ZNF513: variants seen among roughly 807,000 people sequenced by gnomAD.
The protein encoded by ZNF513 is zinc finger protein 513.
A neutral mutation model predicts 39.7 loss-of-function variants in ZNF513; 16 were observed. That is an observed-to-expected ratio of 0.40 (90% CI 0.27 to 0.61). The LOEUF is 0.61. Ranked by LOEUF, ZNF513 falls within the 20% of genes least tolerant of loss-of-function variation. ZNF513 has a pLI of 0.39. For missense variants in ZNF513, 699 were observed against 743.6 expected, an observed-to-expected ratio of 0.94 and a Z score of 0.70; for synonymous variants, 348 against 296.5, an observed-to-expected ratio of 1.17 and a Z score of -1.79.
Position 27,379,068 on chromosome 2 carries a change from C to A in ZNF513, c.212-14G>T. On this transcript the variant is annotated splice_polypyrimidine_tract_variant and intron_variant, in intron 2 of 3. Transcript: ENST00000323703. ...CCAGAGAGTCTCCTGGTGAAATAGACATAAGAAGAGACATCAGCATAGGGT... is the reference window on the plus strand; with the variant it reads ...CCAGAGAGTCTCCTGGTGAAATAGAAATAAGAAGAGACATCAGCATAGGGT... 6.2e-7 allele frequency: 1 copy of A among 1,611,364 alleles called. No individual in the cohort carries two copies. Among genetic ancestry groups the A allele is most frequent in the South Asian group, 1.1e-5 (1 of 90,992 alleles).
At position 27,378,116 on chromosome 2, in the gene ZNF513, G is replaced by A. The variant is rs761367777; in HGVS notation, c.1055C>T (p.Pro352Leu). 1 of 1,613,690 alleles carries A rather than the reference G, an allele frequency of 6.2e-7. No homozygotes were observed. Among genetic ancestry groups the A allele is most frequent in the South Asian group, 1.1e-5 (1 of 91,050 alleles). The part of the protein sequence containing the change: ...GEAGGGASGG[P>L]QGPSDKGFAC... ...AAAGCCTTTGTCACTGGGGCCCTGG[G>A]GCCCCCCACTGGCACCCCCTCCAGC... The change falls in exon 4 of 4, where the codon CCC (proline) becomes CTC (leucine). Residue 352 changes from proline (P) to leucine (L), a missense_variant. Coordinates refer to ENST00000323703, the MANE Select transcript of ZNF513 (RefSeq NM_144631.6). This position sits in a 1 kb window ranked among gnomAD's most constrained non-coding sequence, Gnocchi z 8.0.
Position 27,378,227 on chromosome 2 carries a change from G to T in ZNF513, c.944C>A (p.Thr315Asn). 1.2e-6 allele frequency: 2 copies of T among 1,605,064 alleles called. No individual in the cohort carries two copies. The highest frequency in any genetic ancestry group is 4.5e-5 in the East Asian group (2 of 44,880). Residue 315 changes from threonine to asparagine, a missense_variant, in exon 4 of 4, where the codon ACC becomes AAC. Physicochemically the swap from Thr to Asn is moderately conservative, Grantham distance 65. Around this residue, in one of 3 missense-constraint regions of ZNF513, gnomAD observed 530 missense variants for 499.3 expected, o/e 1.06. Transcript: ENST00000323703. The surrounding 1 kb of genome is among the most constrained non-coding windows in gnomAD (Gnocchi z 8.0). ...EPLPELLFPW[T>N]CRGCGQELEE... Reference sequence around the variant, plus strand: ...CAGCTCTTGTCCACAGCCCCGGCAGGTCCAAGGGAATAGCAGCTCTGGCAG... The same window carrying T: ...CAGCTCTTGTCCACAGCCCCGGCAGTTCCAAGGGAATAGCAGCTCTGGCAG...
rs558608689 is a variant in ZNF513 at position 27,377,371 on chromosome 2, C to T, written c.*174G>A. 2.9e-4 allele frequency: 212 copies of T among 742,354 alleles called. No individual in the cohort carries two copies. The highest frequency in any genetic ancestry group is 4.7e-4 in the Non-Finnish European group (199 of 421,750). 46.0% of individuals were successfully genotyped at this position (742,354 alleles called of 1,614,324 possible). ...AATACAGGGCCCTTCTCACTGAGCTCGTGAAGTGCCTCAGTCAAGGCAAGG... is the reference window on the plus strand; with the variant it reads ...AATACAGGGCCCTTCTCACTGAGCTTGTGAAGTGCCTCAGTCAAGGCAAGG... On this transcript the variant is annotated 3_prime_UTR_variant, in exon 4 of 4. Coordinates refer to ENST00000323703, the MANE Select transcript of ZNF513 (RefSeq NM_144631.6). This position sits in a 1 kb window ranked among gnomAD's most constrained non-coding sequence, Gnocchi z 4.4.
intron 2 of ZNF513, among the ~76,000 whole-genome samples, chr2:27,379,391 G>C (rs1683515069): frequency 6.6e-6 from 1 of 152,152 alleles, no homozygotes; most frequent in Non-Finnish European, 1.5e-5. Context: ...AAATACGAAA[G>C]GGAGAGAGCC....
At chr2:27,380,361 G>C in intron 1 of ZNF513, 111 bp downstream of exon 1, 1 of 1,599,568 alleles carries the variant, frequency 6.3e-7, no homozygotes, top group South Asian at 1.1e-5. Context: ...TGGGAAGCTA[G>C]GAGTCTGGAT....
rs1463524052 is a variant in ZNF513 at position 27,378,395 on chromosome 2, A to G, written c.800-24T>C. The G allele has an allele frequency of 2.5e-6, 4 of 1,609,208 alleles. No homozygotes were observed. Among genetic ancestry groups the G allele is most frequent in the African/African-American group, 2.7e-5 (2 of 74,938 alleles). On this transcript the variant is annotated intron_variant, in intron 3 of 3. Transcript: ENST00000323703. This position sits in a 1 kb window ranked among gnomAD's most constrained non-coding sequence, Gnocchi z 8.0. Reference sequence around the variant, plus strand: ...ATCTGTGGGGACAAAGACCTGGGCTATGAATCCAATCCAAGCATTCCTAGG... The same window carrying G: ...ATCTGTGGGGACAAAGACCTGGGCTGTGAATCCAATCCAAGCATTCCTAGG...
In ZNF513 at chr2:27,380,623, G is replaced by T; in HGVS notation, c.-97C>A. 1 of 1,490,602 alleles carries T rather than the reference G, an allele frequency of 6.7e-7. No individual in the cohort carries two copies. Among genetic ancestry groups the T allele is most frequent in the Non-Finnish European group, 8.9e-7 (1 of 1,119,342 alleles). 92.3% of individuals were successfully genotyped at this position (1,490,602 alleles called of 1,614,324 possible). A position where few individuals can be genotyped will look rare whatever the true frequency, so the allele number is the denominator to read the frequency against. On this transcript the variant is annotated 5_prime_UTR_variant, in exon 1 of 4. Coordinates refer to ENST00000323703, the MANE Select transcript of ZNF513 (RefSeq NM_144631.6). ...CTGTCTGCCCTTCCTCTCAGGGCCC[G>T]CGGGCCGCCCCCATGCAGCGGCGCG...
Position 27,377,451 on chromosome 2 carries a change from G to A in ZNF513, c.*94C>T, listed in dbSNP as rs1683369043. On this transcript the variant is annotated 3_prime_UTR_variant, in exon 4 of 4. Transcript: ENST00000323703. This position sits in a 1 kb window ranked among gnomAD's most constrained non-coding sequence, Gnocchi z 4.4. ...ATGGGGTTGGGCTGGTCCTTATAGT[G>A]CCTACGTTAGTCTGTGTGGAGCCCC... 6 of 1,392,980 alleles carry A rather than the reference G, an allele frequency of 4.3e-6. No individual in the cohort carries two copies. The highest frequency in any genetic ancestry group is 1.4e-5 in the African/African-American group (1 of 70,826). The allele number at this position is 1,392,980 out of a possible 1,614,324, so 86.3% of individuals were successfully genotyped here.
Position 27,378,055 on chromosome 2 carries a change from G to C in ZNF513, c.1116C>G (p.Pro372=). The C allele has an allele frequency of 6.2e-7, 1 of 1,610,624 alleles. No homozygotes were observed. The highest frequency in any genetic ancestry group is 8.5e-7 in the Non-Finnish European group (1 of 1,177,462). The stretch of plus-strand genomic sequence containing the variant: ...TCTTCATGTGCCGGGCCAGGTGGTT[G>C]GGATAGTGAGTGGCAAAGGGGCAGA... The part of the protein sequence containing the change: ...CSLCPFATHY[P]NHLARHMKTH... The change falls in exon 4 of 4, where the codon CCC becomes CCG. Residue 372 remains proline, a synonymous_variant. Transcript: ENST00000323703. This position sits in a 1 kb window ranked among gnomAD's most constrained non-coding sequence, Gnocchi z 8.0.
chr2:27,380,050 T>TC, intron 2 of ZNF513, 43 bp downstream of exon 2: 5 of 1,612,612 alleles, frequency 3.1e-6, no homozygotes, highest in Non-Finnish European at 4.2e-6. Context: ...AGGGCTGGGG[T>TC]CTCCAGCGGC....
rs1683389246 is a variant in ZNF513, at chr2:27,377,617, A to G, written c.1554T>C (p.Ser518=). 1 of 1,613,990 alleles carries G rather than the reference A, an allele frequency of 6.2e-7. No individual in the cohort carries two copies. The highest frequency in any genetic ancestry group is 8.5e-7 in the Non-Finnish European group (1 of 1,180,034). The change falls in exon 4 of 4, where the codon TCT becomes TCC. Residue 518 remains serine (S), a synonymous_variant. Transcript: ENST00000323703. This position sits in a 1 kb window ranked among gnomAD's most constrained non-coding sequence, Gnocchi z 4.4. ...CTGGTGGGCCCCGAGAGCTCAAAACAGAGGGTGGGCTATGAGGTGGGGCCC... is the reference window on the plus strand; with the variant it reads ...CTGGTGGGCCCCGAGAGCTCAAAACGGAGGGTGGGCTATGAGGTGGGGCCC... ...EGWAPPHSPP[S]VLSSRGPPAL... is the part of the protein sequence containing the mutation.
intron 2 of ZNF513, 127 bp from the exon 3 acceptor site, chr2:27,379,181 C>T: frequency 2.3e-6 from 2 of 881,166 alleles, no homozygotes; most frequent in Admixed American, 2.2e-5. Context: ...CCTTTAGTTC[C>T]CTCCTAGGAA....
intron 2 of ZNF513, 48 bp from the exon 3 acceptor site, chr2:27,379,102 G>A (rs1183718423): frequency 1.3e-6 from 2 of 1,576,000 alleles, no homozygotes; most frequent in Non-Finnish European, 1.7e-6. Flanking sequence ...GTAGGATCAG[G>A]CTCCAAACTC....
intron 2 of ZNF513, 134 bp downstream of exon 2, chr2:27,379,959 G>C: frequency 8.4e-7 from 1 of 1,193,710 alleles, no homozygotes. Flanking sequence ...AACAAATGAA[G>C]TCATCTAGCT....
Position 27,380,255 on chromosome 2 carries a change from A to AG in ZNF513, c.56-8dup. ...AGGGAGTCTTCAGTATCCACTGAAG[A>AG]GGGGAGGGGGCTTGTGGATTCTCCC... On this transcript the variant is annotated splice_region_variant and splice_polypyrimidine_tract_variant and intron_variant, in intron 1 of 3. Transcript: ENST00000323703. 1 of 1,613,796 alleles carries AG rather than the reference A, an allele frequency of 6.2e-7. No individual in the cohort carries two copies. The highest frequency in any genetic ancestry group is 8.5e-7 in the Non-Finnish European group (1 of 1,179,962).
At position 27,377,641 on chromosome 2, in the gene ZNF513, C is replaced by T. The variant is rs1296850021; in HGVS notation, c.1530G>A (p.Trp510Ter). 2 of 1,614,116 alleles carry T rather than the reference C, an allele frequency of 1.2e-6. No individual in the cohort carries two copies. Among genetic ancestry groups the T allele is most frequent in the Non-Finnish European group, 8.5e-7 (1 of 1,180,030 alleles). ...CAGAGGGTGGGCTATGAGGTGGGGC[C>T]CAGCCCTCAGAGGCAGAGAGACCAG... is the stretch of plus-strand genomic sequence containing the variant. The part of the protein sequence containing the change: ...GGPGLSASEG[W>*]APPHSPPSVL... Residue 510 changes from tryptophan (W) to a stop codon, truncating the protein, a stop_gained, in exon 4 of 4, where the codon TGG becomes TGA. Transcript: ENST00000323703. LOFTEE classifies it high-confidence loss of function. This position sits in a 1 kb window ranked among gnomAD's most constrained non-coding sequence, Gnocchi z 4.4.
In ZNF513 at chr2:27,378,850, C is replaced by T. The variant is rs778980228; in HGVS notation, c.416G>A (p.Gly139Asp). The T allele has an allele frequency of 2.3e-5, 37 of 1,605,962 alleles. 1 individual carries two copies. The Admixed American group carries it at 2.7e-4, about 12-fold the overall frequency. Residue 139 changes from glycine (G) to aspartate (D), a missense_variant, in exon 3 of 4, where the codon GGT (glycine) becomes GAT (aspartate). This residue lies in a region of ZNF513 where 530 missense variants were observed against 499.3 expected (regional missense o/e 1.06). Transcript: ENST00000323703. The surrounding 1 kb of genome is among the most constrained non-coding windows in gnomAD (Gnocchi z 8.0). ...EGPCCGAGGPGGGPLLPPRLL... is the reference protein window; with the variant it reads ...EGPCCGAGGPDGGPLLPPRLL... ...CCGTGGGGGCAGCAGGGGCCCCCCA[C>T]CCGGCCCTCCTGCCCCACAACACGG...
At chr2:27,379,199 C>T in intron 2 of ZNF513, 145 bp from the exon 3 acceptor site, 1 of 755,200 alleles carries the variant, frequency 1.3e-6, no homozygotes. Flanking sequence ...GAATCAAGGT[C>T]TCCCCTGCAG....
rs746787789 is a variant in ZNF513 at position 27,378,988 on chromosome 2, C to G, written c.278G>C (p.Arg93Pro). The change falls in exon 3 of 4, where the codon CGG becomes CCG. Residue 93 changes from arginine to proline, a missense_variant. By Grantham distance (103) the Arg-to-Pro change is moderately radical. Around this residue, in one of 3 missense-constraint regions of ZNF513, gnomAD observed 530 missense variants for 499.3 expected, o/e 1.06. Transcript: ENST00000323703. This position sits in a 1 kb window ranked among gnomAD's most constrained non-coding sequence, Gnocchi z 8.0. ...GLSDDESGGG[R>P]ALSAESEVEE... ...AACTTCACTCTCCGCACTTAGTGCC[C>G]GGCCGCCCCCAGACTCATCGTCGCT... 1.9e-6 allele frequency: 3 copies of G among 1,613,000 alleles called. No homozygotes were observed. The highest frequency in any genetic ancestry group is 2.5e-6 in the Non-Finnish European group (3 of 1,179,902).
Sources: gnomAD v4.1 joint callset for allele counts (sites outside exome capture counted in the v4.1 genomes callset) on GRCh38, gnomAD v4.1.1 for gene constraint, gnomAD v4.1.1 regional missense constraint, Gnocchi (gnomAD v3.1) non-coding constraint, MANE v1.5 for transcripts, NCBI Gene and HGNC (gene_info 2026-07-23, HGNC 2026-07-21) for gene names.